The following TSHZ2 variants were observed in gnomAD, a reference collection of about 807,000 sequenced individuals.
The protein encoded by TSHZ2 is teashirt zinc finger homeobox 2, also known as teashirt homolog 2.
Under a neutral mutation model 74.4 loss-of-function variants are expected in TSHZ2, and 21 were observed. The ratio of observed to expected loss-of-function variants is 0.28; its 90% CI spans 0.20 to 0.41. TSHZ2 has a LOEUF of 0.41. Among genes scored for constraint, TSHZ2 ranks in the 10% least tolerant of loss-of-function variants. The probability of loss-of-function intolerance (pLI) is 1.00; values close to 1 mark genes in which losing one functional copy is unlikely to be tolerated. For synonymous variants in TSHZ2, 540 were observed against 515.3 expected, an observed-to-expected ratio of 1.05 and a Z score of -0.65; for missense variants, 1,244 against 1,293.5, an observed-to-expected ratio of 0.96 and a Z score of 0.59.
intron 1 of TSHZ2, among the ~76,000 whole-genome samples, chr20:53,197,309 T>A (rs990079527): frequency 1.3e-5 from 2 of 152,242 alleles, no homozygotes; most frequent in Admixed American, 6.5e-5. Context: ...TATGATCTTT[T>A]AATTTTTAAA....
At chr20:53,160,480 T>A (rs2123461179) in intron 1 of TSHZ2, among the ~76,000 whole-genome samples, 1 of 152,176 alleles carries the variant, frequency 6.6e-6, no homozygotes. Context: ...AAGACAGACA[T>A]TTTCAGGGCC....
At chr20:53,414,514 A>G (rs12479524) in intron 2 of TSHZ2, among the ~76,000 whole-genome samples, 47,125 of 151,852 alleles carry the variant, frequency 0.31, 7,455 homozygotes, top group African/African-American at 0.33. Context: ...CCAGCTACTC[A>G]AGAGGCTGAG....
chr20:53,109,057 ATCTCCTGACTTCTCC>A (rs58563113), intron 1 of TSHZ2, among the ~76,000 whole-genome samples: 13 of 151,698 alleles, frequency 8.6e-5, no homozygotes, highest in Admixed American at 2.0e-4. Context: ...CCACCCTCTC[ATCTCCTGACTTCTCC>A]TCTCCTGACT....
At chr20:52,981,899 C>G (rs1981582752) in intron 1 of TSHZ2, among the ~76,000 whole-genome samples, 1 of 152,212 alleles carries the variant, frequency 6.6e-6, no homozygotes, top group African/African-American at 2.4e-5. Context: ...GTGTCAGATG[C>G]TGTTCTACTA....
intron 2 of TSHZ2, among the ~76,000 whole-genome samples, chr20:53,390,079 C>T (rs568781781): frequency 6.6e-5 from 10 of 152,142 alleles, no homozygotes; most frequent in South Asian, 2.1e-4. Flanking sequence ...GCAGAGAGAG[C>T]GACTTTAGGG....
chr20:53,121,735 G>T (rs1208302408), intron 1 of TSHZ2, among the ~76,000 whole-genome samples: 1 of 152,056 alleles, frequency 6.6e-6, no homozygotes, highest in Non-Finnish European at 1.5e-5. Context: ...ACATTTTCCA[G>T]CGAGATACAG....
At chr20:53,192,196 T>C (rs557700784) in intron 1 of TSHZ2, among the ~76,000 whole-genome samples, 3 of 152,038 alleles carry the variant, frequency 2.0e-5, no homozygotes, top group Non-Finnish European at 4.4e-5. Context: ...GGTTGATTTT[T>C]CATTGTACCT....
At chr20:53,417,284 GTTTTT>G (rs777407290) in intron 2 of TSHZ2, among the ~76,000 whole-genome samples, 1 of 137,330 alleles carries the variant, frequency 7.3e-6, no homozygotes, top group African/African-American at 2.8e-5. Flanking sequence ...ACACACCATA[GTTTTT>G]TTTTTTTATT....
chr20:53,482,108 T>TAAAAAAAA (rs570413572), intron 2 of TSHZ2, among the ~76,000 whole-genome samples: 2 of 74,346 alleles, frequency 2.7e-5, no homozygotes, highest in African/African-American at 4.7e-5. Flanking sequence ...CTCCATCTCA[T>TAAAAAAAA]AAAAAAAAAA....
In TSHZ2 at chr20:53,441,884, T is replaced by G. The variant is rs186708549; in HGVS notation, c.*9-45260T>G. Among the ~76,000 whole-genome samples, 132 of 152,312 alleles carry G rather than the reference T, an allele frequency of 8.7e-4. 1 individual carries two copies. The highest frequency in any genetic ancestry group is 6.2e-4 in the South Asian group (3 of 4,826). On this transcript the variant is annotated intron_variant, in intron 2 of 2. Coordinates refer to ENST00000371497, the MANE Select transcript of TSHZ2 (RefSeq NM_173485.6). ...GGCGTGAGCCATCACTCCCAGCCTT[T>G]TCATTATAACCCTTTAAATGTGCAA...
intron 1 of TSHZ2, among the ~76,000 whole-genome samples, chr20:53,095,990 A>G (rs960429045): frequency 6.6e-6 from 1 of 152,166 alleles, no homozygotes; most frequent in Non-Finnish European, 1.5e-5. Flanking sequence ...TCTTTCTCCA[A>G]TGAACCTGGG....
At position 53,474,785 on chromosome 20, in the gene TSHZ2, T is replaced by C. The variant is rs1235277130; in HGVS notation, c.*9-12359T>C. On this transcript the variant is annotated intron_variant, in intron 2 of 2. Coordinates refer to ENST00000371497, the MANE Select transcript of TSHZ2 (RefSeq NM_173485.6). The stretch of plus-strand genomic sequence containing the variant: ...CCCATCTCAAGTGCAGAGACACACA[T>C]AGGCTCAAAATAAAAGGATGGAGGA... 1.5e-5 allele frequency among the ~76,000 whole-genome samples: 2 copies of C among 134,178 alleles called. 1 individual carries two copies. The highest frequency in any genetic ancestry group is 3.2e-5 in the Non-Finnish European group (2 of 63,460). 88.0% of individuals were successfully genotyped at this position (134,178 alleles called of 152,430 possible).
chr20:53,182,374 T>C (rs1988502034), intron 1 of TSHZ2, among the ~76,000 whole-genome samples: 1 of 152,204 alleles, frequency 6.6e-6, no homozygotes, highest in African/African-American at 2.4e-5. Flanking sequence ...ATTCATTCAT[T>C]TGTTCATTCA....
chr20:53,188,797 A>T (rs1014163955), intron 1 of TSHZ2, among the ~76,000 whole-genome samples: 42 of 152,310 alleles, frequency 2.8e-4, no homozygotes, highest in African/African-American at 9.9e-4. Flanking sequence ...TTGCCTATAT[A>T]TATACGGTTC....
At chr20:53,339,400 C>T (rs1343985957) in intron 2 of TSHZ2, among the ~76,000 whole-genome samples, 3 of 152,082 alleles carry the variant, frequency 2.0e-5, no homozygotes, top group Non-Finnish European at 4.4e-5. Context: ...AGGGCCAGGG[C>T]ATTACTGGCT....
intron 2 of TSHZ2, among the ~76,000 whole-genome samples, chr20:53,471,106 A>G (rs1264081369): frequency 2.6e-5 from 4 of 152,236 alleles, no homozygotes; most frequent in African/African-American, 9.7e-5. Context: ...AATAGATGGC[A>G]AAGCTTCTGG....
At chr20:53,407,800 G>C (rs1164491422) in intron 2 of TSHZ2, among the ~76,000 whole-genome samples, 1 of 152,202 alleles carries the variant, frequency 6.6e-6, no homozygotes, top group Non-Finnish European at 1.5e-5. Context: ...TCATTATACA[G>C]CACAAAAGCA....
At chr20:53,337,541 G>T (rs1310411219) in intron 2 of TSHZ2, among the ~76,000 whole-genome samples, 1 of 152,204 alleles carries the variant, frequency 6.6e-6, no homozygotes, top group Non-Finnish European at 1.5e-5. Flanking sequence ...CTCTAGGAGG[G>T]ATATACCCAG....
At chr20:53,425,501 A>C (rs1304963421) in intron 2 of TSHZ2, among the ~76,000 whole-genome samples, 2 of 152,202 alleles carry the variant, frequency 1.3e-5, no homozygotes, top group Non-Finnish European at 2.9e-5. Flanking sequence ...ATGCGTCTTC[A>C]CGGGTGTATA....
Sources: allele counts gnomAD v4.1 joint callset (sites outside exome capture counted in the v4.1 genomes callset), GRCh38; gene constraint gnomAD v4.1.1; transcripts MANE v1.5; gene names NCBI Gene and HGNC (gene_info 2026-07-23, HGNC 2026-07-21).